ATPAF1: variants seen among roughly 807,000 people sequenced by gnomAD.
ATPAF1 encodes the protein ATP synthase mitochondrial F1 complex assembly factor 1.
In ATPAF1, 26 loss-of-function variants were observed where a neutral mutation model predicts 43.9. That is an observed-to-expected ratio of 0.59 (90% confidence interval 0.43 to 0.82). ATPAF1 has a LOEUF of 0.82. Among genes scored for constraint, ATPAF1 ranks in the 40% least tolerant of loss-of-function variants. The pLI is 0.00. For missense variants in ATPAF1, 366 were observed against 435.0 expected (o/e 0.84, Z 1.41); for synonymous variants, 157 against 168.0 (o/e 0.93, Z 0.50).
At chr1:46,659,535 AT>A (rs35576493) in intron 2 of ATPAF1, among the ~76,000 whole-genome samples, 57,808 of 152,018 alleles carry the variant, frequency 0.38, 12,611 homozygotes, top group Non-Finnish European at 0.5. Context: ...TGAGTGTTCA[AT>A]CTTAATGTTT....
At chr1:46,640,665 A>AAAC (rs1675933962) in intron 8 of ATPAF1, among the ~76,000 whole-genome samples, 1 of 152,184 alleles carries the variant, frequency 6.6e-6, no homozygotes, top group Non-Finnish European at 1.5e-5. Flanking sequence ...CAAACAAAAA[A>AAAC]AGAGTTTTTC....
intron 1 of ATPAF1, among the ~76,000 whole-genome samples, chr1:46,666,812 T>G (rs550786993): frequency 2.0e-5 from 3 of 152,236 alleles, no homozygotes; most frequent in Admixed American, 2.0e-4. Context: ...TAACAGTATG[T>G]GTAAATGTTG....
At chr1:46,651,132 A>C (rs1267573244) in intron 6 of ATPAF1, among the ~76,000 whole-genome samples, 1 of 152,036 alleles carries the variant, frequency 6.6e-6, no homozygotes, top group Non-Finnish European at 1.5e-5. Context: ...TATATCTCCC[A>C]GTGCTATCCC....
chr1:46,633,727 T>C (rs543434122), downstream of ATPAF1: 6 of 454,768 alleles, frequency 1.3e-5, no homozygotes, highest in South Asian at 9.3e-5. Flanking sequence ...CCAGGAGGAA[T>C]GATTAAAACG....
In ATPAF1 at chr1:46,668,197, C is replaced by A. The variant is rs1232295103; in HGVS notation, c.126G>T (p.Ala42=). The A allele has an allele frequency of 1.4e-6, 2 of 1,391,432 alleles. No individual in the cohort carries two copies. Among genetic ancestry groups the A allele is most frequent in the Non-Finnish European group, 1.9e-6 (2 of 1,073,094 alleles). The allele number at this position is 1,391,432 out of a possible 1,614,324, so 86.2% of individuals were successfully genotyped here. The change falls in exon 1 of 9, where the codon GCG becomes GCT. Residue 42 remains alanine (A), a synonymous_variant. Coordinates refer to ENST00000574428, the Ensembl canonical transcript of ATPAF1. The surrounding 1 kb of genome is among the most constrained non-coding windows in gnomAD (Gnocchi z 4.4). ...GGCGCACTGGGAAGACGCGCAGCTGCGCGGGTGACACGAGCCCCAGGCCCA... is the reference window on the plus strand; with the variant it reads ...GGCGCACTGGGAAGACGCGCAGCTGAGCGGGTGACACGAGCCCCAGGCCCA...
rs535143500 is a variant in ATPAF1, at chr1:46,649,242, C to CT, written c.588+3338dup. On this transcript the variant is annotated intron_variant, in intron 6 of 8. Transcript: ENST00000574428. ...CACTGTGAGGTAAAAGTAGAGGTTC[C>CT]TTTTTTTTGTGCATGATATTCAATT... 5.3e-5 allele frequency among the ~76,000 whole-genome samples: 8 copies of CT among 150,938 alleles called. No individual in the cohort carries two copies. The East Asian group carries it at 1.6e-3, about 29-fold the overall frequency.
In ATPAF1 at chr1:46,636,156, C is replaced by T. The variant is rs554843406; in HGVS notation, c.793-186G>A. The T allele has an allele frequency of 5.6e-5, 39 of 700,616 alleles. No homozygotes were observed. In the South Asian group the frequency reaches 5.9e-4, roughly 11 times the overall value. 43.4% of individuals were successfully genotyped at this position (700,616 alleles called of 1,614,324 possible). A position where few individuals can be genotyped will look rare whatever the true frequency, so the allele number is the denominator to read the frequency against. On this transcript the variant is annotated intron_variant, in intron 8 of 8. Transcript: ENST00000574428. ...GTGTACCAAATCATCCTGTGCTTAC[C>T]ACTGTCATAGTATTTATCACACTGT...
chr1:46,665,338 C>T (rs755248993), exon 2 of ATPAF1: 23 of 1,614,112 alleles, frequency 1.4e-5, no homozygotes, highest in Admixed American at 1.7e-5. Flanking sequence ...TTTCTCCAGG[C>T]GGGACTCAAA....
chr1:46,659,516 G>C (rs370149383), intron 2 of ATPAF1, among the ~76,000 whole-genome samples: 1 of 137,914 alleles, frequency 7.3e-6, no homozygotes, highest in African/African-American at 2.5e-5. Flanking sequence ...CAGCAGACTA[G>C]AGTCATTTTG....
intron 1 of ATPAF1, among the ~76,000 whole-genome samples, chr1:46,667,619 A>C (rs1676513138): frequency 1.3e-5 from 2 of 152,068 alleles, no homozygotes; most frequent in Non-Finnish European, 1.5e-5. Flanking sequence ...TCCCATCCCC[A>C]GTCGCCTTTC....
At chr1:46,638,269 C>T (rs907023890) in intron 8 of ATPAF1, among the ~76,000 whole-genome samples, 1 of 152,144 alleles carries the variant, frequency 6.6e-6, no homozygotes, top group Non-Finnish European at 1.5e-5. Context: ...CTGTCATATC[C>T]TGGGGTTTTA....
chr1:46,638,301 T>A (rs144336260), intron 8 of ATPAF1, among the ~76,000 whole-genome samples: 5 of 152,294 alleles, frequency 3.3e-5, no homozygotes, highest in Non-Finnish European at 7.4e-5. Flanking sequence ...TTTGTTTGGA[T>A]AAAGGGGTCC....
chr1:46,647,304 G>A (rs1302213713), intron 6 of ATPAF1, among the ~76,000 whole-genome samples: 5 of 152,104 alleles, frequency 3.3e-5, no homozygotes, highest in African/African-American at 4.8e-5. Context: ...CGACATTCCC[G>A]TCTGTAAGTT....
chr1:46,645,474 A>G (rs1017502620), intron 6 of ATPAF1, among the ~76,000 whole-genome samples: 1 of 151,062 alleles, frequency 6.6e-6, no homozygotes, highest in Non-Finnish European at 1.5e-5. Flanking sequence ...TGATCTTCCC[A>G]CTCAGCCTCC....
At chr1:46,633,385 A>G (rs529439155), downstream of ATPAF1, 48 of 207,704 alleles carry the variant, frequency 2.3e-4, 1 homozygote, top group Admixed American at 2.9e-3. Context: ...CAATAATCCT[A>G]TGAGGTAGAT....
At chr1:46,638,975 T>C (rs1236193929) in intron 8 of ATPAF1, among the ~76,000 whole-genome samples, 5 of 152,238 alleles carry the variant, frequency 3.3e-5, no homozygotes, top group Admixed American at 3.3e-4. Context: ...CCTCCATCTC[T>C]ATACCACTGC....
intron 6 of ATPAF1, among the ~76,000 whole-genome samples, 191 bp from the exon 7 acceptor site, chr1:46,645,447 G>C (rs1001612050): frequency 2.0e-5 from 3 of 151,964 alleles, no homozygotes; most frequent in Non-Finnish European, 4.4e-5. Context: ...CCGCAGTCTT[G>C]ATCTGCTGGG....
chr1:46,652,497 A>G (rs1367041700), intron 6 of ATPAF1, 84 bp downstream of exon 6: 24 of 1,350,264 alleles, frequency 1.8e-5, no homozygotes, highest in Non-Finnish European at 1.9e-5. Flanking sequence ...CATGTGAGAC[A>G]GTATGGAATA....
At chr1:46,663,412 G>T (rs1676431024) in intron 2 of ATPAF1, among the ~76,000 whole-genome samples, 1 of 152,196 alleles carries the variant, frequency 6.6e-6, no homozygotes, top group Non-Finnish European at 1.5e-5. Context: ...GTGTAAAAGT[G>T]TTCCTATTTC....
Sources: gnomAD v4.1 joint callset for allele counts (sites outside exome capture counted in the v4.1 genomes callset) on GRCh38, gnomAD v4.1.1 for gene constraint, Gnocchi (gnomAD v3.1) non-coding constraint, MANE v1.5 for transcripts, NCBI Gene and HGNC (gene_info 2026-07-23, HGNC 2026-07-21) for gene names.